Variants in KMT2C observed in about 807,000 individuals in gnomAD.
KMT2C encodes the protein histone-lysine N-methyltransferase 2C.
Under a neutral mutation model 507.9 loss-of-function variants are expected in KMT2C, and 88 were observed. The observed-to-expected ratio is 0.17, with a 90% CI of 0.15 to 0.21. KMT2C has a LOEUF of 0.21. Among genes scored for constraint, KMT2C ranks in the 10% least tolerant of loss-of-function variants. The pLI is 1.00. For missense variants in KMT2C, 4,954 were observed against 5,957.8 expected (o/e 0.83, Z 5.55); for synonymous variants, 2,049 against 2,080.8 (o/e 0.98, Z 0.42).
chr7:152,208,129 T>C (rs2094356254), intron 23 of KMT2C, among the ~76,000 whole-genome samples: 1 of 152,242 alleles, frequency 6.6e-6, no homozygotes, highest in Admixed American at 6.5e-5. Context: ...TCTATAAATA[T>C]GTATCCATTT....
chr7:152,428,686 T>C (rs1290423055), intron 1 of KMT2C, among the ~76,000 whole-genome samples: 1 of 152,076 alleles, frequency 6.6e-6, no homozygotes, highest in East Asian at 1.9e-4. Context: ...TTGAAAAATC[T>C]AGAAACAGCA....
intron 3 of KMT2C, among the ~76,000 whole-genome samples, chr7:152,325,753 C>G (rs996213861): frequency 6.6e-6 from 1 of 152,062 alleles, no homozygotes; most frequent in Non-Finnish European, 1.5e-5. Context: ...GCCAATCAAC[C>G]CTTTTCTATA....
At chr7:152,212,667 A>C (rs1253224646) in intron 23 of KMT2C, among the ~76,000 whole-genome samples, 2 of 152,266 alleles carry the variant, frequency 1.3e-5, no homozygotes, top group African/African-American at 2.4e-5. Flanking sequence ...CATCAAAAAG[A>C]ATAAAACACT....
chr7:152,292,982 A>G lies in KMT2C; in HGVS notation c.849+16984T>C, dbSNP rs115455378. 1.4e-3 allele frequency among the ~76,000 whole-genome samples: 211 copies of G among 152,252 alleles called. 1 individual carries two copies. The highest frequency in any genetic ancestry group is 4.9e-3 in the African/African-American group (204 of 41,546). ...AAACAACATTTTATACAGCTTTTCT[A>G]ATTGTTCTCAGTGGAAAGGCTAGTC... On this transcript the variant is annotated intron_variant, in intron 6 of 58. Coordinates refer to ENST00000262189, the MANE Select transcript of KMT2C (RefSeq NM_170606.3).
chr7:152,340,680 A>AT (rs1370259247), intron 2 of KMT2C, among the ~76,000 whole-genome samples: 2 of 152,084 alleles, frequency 1.3e-5, no homozygotes, highest in Non-Finnish European at 2.9e-5. Context: ...AAAAGCACTA[A>AT]TTTTCTCTGA....
chr7:152,193,614 C>T (rs1479267227), intron 31 of KMT2C, among the ~76,000 whole-genome samples: 1 of 152,102 alleles, frequency 6.6e-6, no homozygotes, highest in East Asian at 1.9e-4. Context: ...GACCAGCTAA[C>T]CTCTGAGAGA....
At chr7:152,311,075 A>G (rs919787918) in intron 5 of KMT2C, among the ~76,000 whole-genome samples, 7 of 151,904 alleles carry the variant, frequency 4.6e-5, no homozygotes, top group African/African-American at 1.5e-4. Flanking sequence ...TCTTCAACAA[A>G]CAAAATTAGT....
chr7:152,345,858 T>C (rs1378879848), intron 2 of KMT2C, among the ~76,000 whole-genome samples: 1 of 152,026 alleles, frequency 6.6e-6, no homozygotes, highest in South Asian at 2.1e-4. Flanking sequence ...CAAGTACATA[T>C]TGTCTACAAA....
At chr7:152,145,428 G>T in intron 53 of KMT2C, 133 bp from the exon 54 acceptor site, 1 of 878,590 alleles carries the variant, frequency 1.1e-6, no homozygotes. Context: ...TGGTCTTCTA[G>T]CTTATGTTAA....
intron 3 of KMT2C, among the ~76,000 whole-genome samples, chr7:152,328,559 G>T (rs535078849): frequency 2.9e-4 from 44 of 152,252 alleles, no homozygotes; most frequent in African/African-American, 1.0e-3. Flanking sequence ...TTGAAATTAT[G>T]AATATAATTT....
At chr7:152,198,605 C>T (rs2094035738) in intron 27 of KMT2C, among the ~76,000 whole-genome samples, 1 of 152,120 alleles carries the variant, frequency 6.6e-6, no homozygotes. Flanking sequence ...ATTGCTGTAA[C>T]TCTGTAAATA....
intron 1 of KMT2C, among the ~76,000 whole-genome samples, chr7:152,381,369 G>T (rs2097372493): frequency 6.6e-6 from 1 of 151,714 alleles, no homozygotes; most frequent in Non-Finnish European, 1.5e-5. Context: ...GGGGGGGAGG[G>T]GTGCGGGTGT....
At chr7:152,253,267 C>T (rs2095590550) in intron 9 of KMT2C, among the ~76,000 whole-genome samples, 1 of 151,824 alleles carries the variant, frequency 6.6e-6, no homozygotes, top group African/African-American at 2.4e-5. Context: ...TCCAGGAAAA[C>T]ATATAGGTGG....
In KMT2C at chr7:152,350,045, A is replaced by C. The variant is rs185607132; in HGVS notation, c.250+8542T>G. ...GGTGGGCGGATCACCTGAGGTCAGG[A>C]GTTCAAGACCAGCCTGACCAACATG... On this transcript the variant is annotated intron_variant, in intron 2 of 58. Transcript: ENST00000262189. Among the ~76,000 whole-genome samples the C allele has an allele frequency of 2.7e-3, 407 of 152,248 alleles. 5 individuals carry two copies. Among genetic ancestry groups the C allele is most frequent in the South Asian group, 1.7e-3 (8 of 4,822 alleles).
intron 1 of KMT2C, among the ~76,000 whole-genome samples, chr7:152,359,979 A>C (rs540020837): frequency 3.7e-5 from 5 of 136,360 alleles, no homozygotes; most frequent in African/African-American, 8.2e-5. Context: ...AACCTGACAG[A>C]TGGAGGTTGC....
At position 152,178,015 on chromosome 7, in the gene KMT2C, TAAAAAAAAAAAAAAAAA is replaced by T. The variant is rs746018833; in HGVS notation, c.7443-22_7443-6del. ...CTACCTCCTGGAAATCCAAATCTTT[TAAAAAAAAAAAAAAAAA>T]AAAAAAAAAAGCAAATAGGTATTAT... On this transcript the variant is annotated splice_polypyrimidine_tract_variant and splice_region_variant and intron_variant, in intron 37 of 58. Transcript: ENST00000262189. 2 of 811,046 alleles carry T rather than the reference TAAAAAAAAAAAAAAAAA, an allele frequency of 2.5e-6. No individual in the cohort carries two copies. The highest frequency in any genetic ancestry group is 2.9e-6 in the Non-Finnish European group (2 of 681,706). 50.2% of individuals were successfully genotyped at this position (811,046 alleles called of 1,614,324 possible).
At chr7:152,364,020 C>A (rs192015406) in intron 1 of KMT2C, among the ~76,000 whole-genome samples, 132 of 152,278 alleles carry the variant, frequency 8.7e-4, no homozygotes, top group Middle Eastern at 6.8e-3. Flanking sequence ...GTGAGACACA[C>A]CTTTAGGAGC....
chr7:152,392,433 T>C (rs2097506323), intron 1 of KMT2C, among the ~76,000 whole-genome samples: 1 of 152,194 alleles, frequency 6.6e-6, no homozygotes, highest in African/African-American at 2.4e-5. Context: ...ATGACCCTAC[T>C]TCCCCATTTA....
intron 18 of KMT2C, among the ~76,000 whole-genome samples, chr7:152,224,906 G>A (rs1026331719): frequency 2.0e-5 from 3 of 151,986 alleles, no homozygotes; most frequent in African/African-American, 7.3e-5. Flanking sequence ...TAGATATAGT[G>A]ACCAGATTTT....
Sources: allele counts gnomAD v4.1 joint callset (sites outside exome capture counted in the v4.1 genomes callset), GRCh38; gene constraint gnomAD v4.1.1; transcripts MANE v1.5; gene names NCBI Gene and HGNC (gene_info 2026-07-23, HGNC 2026-07-21).